The following KIAA1328 variants were observed in gnomAD, a reference collection of about 807,000 sequenced individuals.
KIAA1328 encodes the protein KIAA1328.
Under a neutral mutation model 68.1 loss-of-function variants are expected in KIAA1328, and 52 were observed. The ratio of observed to expected loss-of-function variants is 0.76; its 90% confidence interval spans 0.61 to 0.96. The LOEUF is 0.96. Ranked by LOEUF, KIAA1328 falls within the 40% of genes least tolerant of loss-of-function variation. KIAA1328 has a pLI of 0.00. For synonymous variants in KIAA1328, 232 were observed against 239.4 expected, an observed-to-expected ratio of 0.97 and a Z score of 0.28; for missense variants, 641 against 677.6, an observed-to-expected ratio of 0.95 and a Z score of 0.60.
intron 7 of KIAA1328, among the ~76,000 whole-genome samples, chr18:37,079,663 G>A (rs943959807): frequency 2.0e-5 from 3 of 151,922 alleles, no homozygotes; most frequent in African/African-American, 7.2e-5. Flanking sequence ...CCGAGGTGGT[G>A]GATCACCTGG....
rs1209809671 is a variant in KIAA1328, at chr18:36,991,313, A to G, written c.576+31878A>G. On this transcript the variant is annotated intron_variant, in intron 6 of 9. Coordinates refer to ENST00000280020, the MANE Select transcript of KIAA1328 (RefSeq NM_020776.3). ...ATTTCATTATAGTTGGCAGATTAAG[A>G]TTTAGACTCTGGCTTGTATTACTTG... Among the ~76,000 whole-genome samples the G allele has an allele frequency of 2.6e-5, 4 of 152,176 alleles. 1 individual carries two copies. Among genetic ancestry groups the G allele is most frequent in the Admixed American group, 2.6e-4 (4 of 15,278 alleles).
chr18:37,193,357 A>T (rs2059943212), intron 9 of KIAA1328, among the ~76,000 whole-genome samples: 2 of 152,218 alleles, frequency 1.3e-5, no homozygotes, highest in African/African-American at 4.8e-5. Flanking sequence ...GGGTTACAGC[A>T]TAATGTGTGA....
At chr18:37,170,821 T>C (rs1441412618) in intron 8 of KIAA1328, among the ~76,000 whole-genome samples, 4 of 152,108 alleles carry the variant, frequency 2.6e-5, no homozygotes, top group East Asian at 3.9e-4. Context: ...AAATTTGTTA[T>C]AAAAATATTA....
intron 5 of KIAA1328, among the ~76,000 whole-genome samples, chr18:36,909,818 C>T (rs183883426): frequency 1.4e-4 from 22 of 152,196 alleles, no homozygotes; most frequent in African/African-American, 2.6e-4. Flanking sequence ...CTTTAATGAT[C>T]GCCATTCTAA....
At chr18:37,081,543 A>G (rs894059898) in intron 7 of KIAA1328, among the ~76,000 whole-genome samples, 1 of 152,202 alleles carries the variant, frequency 6.6e-6, no homozygotes, top group Non-Finnish European at 1.5e-5. Context: ...ATCTATCTCA[A>G]ATGAATCCTC....
chr18:37,213,909 G>A (rs902896758), intron 9 of KIAA1328, among the ~76,000 whole-genome samples: 4 of 152,152 alleles, frequency 2.6e-5, no homozygotes, highest in Non-Finnish European at 5.9e-5. Flanking sequence ...GTGATGATGA[G>A]CATTTTTTCA....
At chr18:36,920,322 C>T (rs183485030) in intron 5 of KIAA1328, among the ~76,000 whole-genome samples, 34 of 152,066 alleles carry the variant, frequency 2.2e-4, no homozygotes, top group Non-Finnish European at 4.3e-4. Flanking sequence ...TTCCCCATTG[C>T]TTATTATTGT....
At chr18:37,083,853 G>A (rs2057020827) in intron 7 of KIAA1328, among the ~76,000 whole-genome samples, 1 of 152,136 alleles carries the variant, frequency 6.6e-6, no homozygotes, top group African/African-American at 2.4e-5. Flanking sequence ...GATTTAAAGT[G>A]CTCCTATTGA....
rs765901586 is a variant in KIAA1328 at position 37,162,281 on chromosome 18, TA to T, written c.1414+1912del. On this transcript the variant is annotated intron_variant, in intron 8 of 9. Transcript: ENST00000280020. The stretch of plus-strand genomic sequence containing the variant: ...GTGGGGGAAGGTTGTAGTGTTGCAA[TA>T]AAAAAAAAAAAGAAACTTTTTCATC... Among the ~76,000 whole-genome samples the T allele has an allele frequency of 3.4e-3, 471 of 139,888 alleles. 1 individual carries two copies. The highest frequency in any genetic ancestry group is 3.9e-3 in the Non-Finnish European group (250 of 63,682). 91.8% of individuals were successfully genotyped at this position (139,888 alleles called of 152,430 possible).
At chr18:37,047,560 T>C (rs535979943) in intron 6 of KIAA1328, among the ~76,000 whole-genome samples, 149 of 152,286 alleles carry the variant, frequency 9.8e-4, no homozygotes, top group African/African-American at 3.5e-3. Context: ...TCAACTAATA[T>C]TTTCCACTCT....
chr18:37,013,201 G>A (rs2054035848), intron 6 of KIAA1328, among the ~76,000 whole-genome samples: 2 of 152,084 alleles, frequency 1.3e-5, no homozygotes, highest in Non-Finnish European at 2.9e-5. Context: ...CTAGTATTTG[G>A]AATTAGGAAC....
chr18:37,018,213 G>T, intron 6 of KIAA1328, among the ~76,000 whole-genome samples: 1 of 152,020 alleles, frequency 6.6e-6, no homozygotes, highest in Admixed American at 6.6e-5. Context: ...CTCCTTTACC[G>T]CACAAACTGA....
intron 5 of KIAA1328, among the ~76,000 whole-genome samples, chr18:36,902,921 T>A (rs914163347): frequency 6.6e-6 from 1 of 152,132 alleles, no homozygotes; most frequent in Non-Finnish European, 1.5e-5. Context: ...TTAGGATAAT[T>A]ACCCTTAGAA....
intron 6 of KIAA1328, among the ~76,000 whole-genome samples, chr18:37,024,562 G>A (rs1218111794): frequency 4.2e-5 from 6 of 142,512 alleles, no homozygotes; most frequent in African/African-American, 7.9e-5. Context: ...GGTGTGTGAT[G>A]TTCCCCTTCC....
chr18:36,850,160 T>C (rs1289059419), intron 4 of KIAA1328, among the ~76,000 whole-genome samples: 3 of 152,068 alleles, frequency 2.0e-5, no homozygotes, highest in African/African-American at 7.2e-5. Context: ...TTTTTCACTT[T>C]CTCAGTGGTA....
chr18:37,220,925 C>G (rs1054120632), intron 9 of KIAA1328, among the ~76,000 whole-genome samples: 1 of 152,192 alleles, frequency 6.6e-6, no homozygotes, highest in Non-Finnish European at 1.5e-5. Flanking sequence ...TTTCCAGGTT[C>G]AAGCGATTCT....
rs56801619 is a variant in KIAA1328 at position 37,077,144 on chromosome 18, G to C, written c.1232+9599G>C. Among the ~76,000 whole-genome samples, 463 of 150,002 alleles carry C rather than the reference G, an allele frequency of 3.1e-3. 3 individuals are homozygous for C. The highest frequency in any genetic ancestry group is 0.011 in the African/African-American group (441 of 40,200). ...CAAAAAGCTTATCCACCATGATCAA[G>C]TGGGCTTCATCCCTGGGATGCAAGG... On this transcript the variant is annotated intron_variant, in intron 7 of 9. Coordinates refer to ENST00000280020, the MANE Select transcript of KIAA1328 (RefSeq NM_020776.3).
intron 7 of KIAA1328, among the ~76,000 whole-genome samples, chr18:37,144,332 A>T (rs184020121): frequency 9.8e-4 from 148 of 151,746 alleles, no homozygotes; most frequent in African/African-American, 3.3e-3. Context: ...ACTTGTATTA[A>T]TCTTTTCAAG....
chr18:36,954,044 G>A (rs1368301628), intron 5 of KIAA1328, among the ~76,000 whole-genome samples: 1 of 140,622 alleles, frequency 7.1e-6, no homozygotes, highest in Admixed American at 8.0e-5. Flanking sequence ...CGCCCAGGCC[G>A]GACTGCGGAC....
Sources: allele counts gnomAD v4.1 joint callset (sites outside exome capture counted in the v4.1 genomes callset), GRCh38; gene constraint gnomAD v4.1.1; transcripts MANE v1.5; gene names NCBI Gene and HGNC (gene_info 2026-07-23, HGNC 2026-07-21).